Variants in TBL1X observed in about 807,000 individuals in gnomAD.
The protein encoded by TBL1X is F-box-like/WD repeat-containing protein TBL1X.
In TBL1X, 10 loss-of-function variants were observed where a neutral mutation model predicts 50.7. The observed-to-expected ratio is 0.20, with a 90% CI of 0.12 to 0.33. The LOEUF is 0.33. TBL1X is among the 10% of genes least tolerant of loss of function. The pLI is 1.00. For synonymous variants in TBL1X, 190 were observed against 214.7 expected, an observed-to-expected ratio of 0.88 and a Z score of 1.01; for missense variants, 340 against 504.4, an observed-to-expected ratio of 0.67 and a Z score of 3.12.
At chrX:9,662,624 G>A (rs760054134) in intron 5 of TBL1X, among the ~76,000 whole-genome samples, 3 of 111,888 alleles carry the variant, frequency 2.7e-5, no homozygotes, top group Non-Finnish European at 5.6e-5. Flanking sequence ...AATGAATAAC[G>A]TTCTGGGGAT....
intron 2 of TBL1X, chrX:9,637,417 G>A (rs1170412960): frequency 2.7e-5 from 3 of 112,220 alleles, no homozygotes; most frequent in African/African-American, 6.5e-5. Context: ...CTGTATTAAC[G>A]TGTGTGATCA....
At chrX:9,655,697 C>T (rs1186517580) in intron 5 of TBL1X, among the ~76,000 whole-genome samples, 2 of 111,764 alleles carry the variant, frequency 1.8e-5, no homozygotes, top group Non-Finnish European at 3.8e-5. Context: ...ACCCCAGTTC[C>T]TAGGCCCCGT....
chrX:9,530,528 T>C (rs1047597217), intron 2 of TBL1X, among the ~76,000 whole-genome samples: 1 of 112,275 alleles, frequency 8.9e-6, no homozygotes, highest in Non-Finnish European at 1.9e-5. Flanking sequence ...CATCACACAT[T>C]TTTATGTTCT....
intron 2 of TBL1X, among the ~76,000 whole-genome samples, chrX:9,537,407 A>G (rs1180687888): frequency 9.0e-6 from 1 of 110,994 alleles, no homozygotes; most frequent in Admixed American, 9.6e-5. Flanking sequence ...ACATTGTGCA[A>G]TCCTCACCAC....
intron 5 of TBL1X, among the ~76,000 whole-genome samples, chrX:9,678,803 G>A (rs903975657): frequency 6.3e-5 from 7 of 111,943 alleles, no homozygotes; most frequent in African/African-American, 2.3e-4. Flanking sequence ...TGAGGGGTGT[G>A]GTTTAGCAGT....
intron 2 of TBL1X, among the ~76,000 whole-genome samples, chrX:9,539,966 C>G (rs776658960): frequency 2.7e-5 from 3 of 112,666 alleles, no homozygotes; most frequent in Non-Finnish European, 5.6e-5. Flanking sequence ...AAAAGACATT[C>G]ATAGTTGCAG....
At position 9,525,592 on chromosome X, in the gene TBL1X, C is replaced by A. The variant is rs2082128111; in HGVS notation, c.-131+23743C>A. Among the ~76,000 whole-genome samples, 3 of 111,720 alleles carry A rather than the reference C, an allele frequency of 2.7e-5. No individual in the cohort carries two copies. The South Asian group carries it at 1.1e-3, about 41-fold the overall frequency. Reference sequence around the variant, plus strand: ...GATTTGCTTTTTAAAAAGAAATTATCCAGATTTGAATGGAAAAATTGCATA... The same window carrying A: ...GATTTGCTTTTTAAAAAGAAATTATACAGATTTGAATGGAAAAATTGCATA... On this transcript the variant is annotated intron_variant, in intron 2 of 17. Transcript: ENST00000645353.
chrX:9,581,023 C>T (rs934963379), intron 2 of TBL1X, among the ~76,000 whole-genome samples: 1 of 111,676 alleles, frequency 9.0e-6, no homozygotes, highest in Non-Finnish European at 1.9e-5. Flanking sequence ...GGCCTTGGCC[C>T]AGAGGAGGAA....
intron 2 of TBL1X, among the ~76,000 whole-genome samples, chrX:9,526,792 A>G (rs1049624797): frequency 2.7e-5 from 3 of 112,290 alleles, no homozygotes; most frequent in Non-Finnish European, 5.6e-5. Context: ...ATGTGTCAGC[A>G]GCTTCCCCTG....
At chrX:9,706,357 A>G (rs1194544726) in intron 13 of TBL1X, among the ~76,000 whole-genome samples, 6 of 111,715 alleles carry the variant, frequency 5.4e-5, no homozygotes, top group African/African-American at 1.6e-4. Flanking sequence ...AGAAGAAAGA[A>G]TGGAACAGAA....
chrX:9,505,751 C>A (rs1356853774), intron 2 of TBL1X, among the ~76,000 whole-genome samples: 3 of 112,251 alleles, frequency 2.7e-5, no homozygotes, highest in African/African-American at 6.5e-5. Flanking sequence ...GAAGAACTAA[C>A]TATTCTAAAT....
chrX:9,538,362 G>A (rs191267987), intron 2 of TBL1X, among the ~76,000 whole-genome samples: 43 of 111,647 alleles, frequency 3.9e-4, no homozygotes, highest in African/African-American at 1.3e-3. Context: ...GTTTGCCCAG[G>A]TATCCTTTCT....
rs970849806 is a variant in TBL1X at position 9,544,011 on chromosome X, C to T, written c.-131+42162C>T. 4.5e-5 allele frequency among the ~76,000 whole-genome samples: 5 copies of T among 111,629 alleles called. No homozygotes were observed. In the South Asian group the frequency reaches 1.1e-3, roughly 26 times the overall value. On this transcript the variant is annotated intron_variant, in intron 2 of 17. Coordinates refer to ENST00000645353, the MANE Select transcript of TBL1X (RefSeq NM_005647.4). ...CAATCACAAATCTCCCTGCCCTCCC[C>T]ACCCCTGCCCCCACTTAGATCCTGG... is the stretch of plus-strand genomic sequence containing the variant.
intron 3 of TBL1X, among the ~76,000 whole-genome samples, chrX:9,649,272 A>C (rs140942271): frequency 0.012 from 1,312 of 112,519 alleles, 27 homozygotes; most frequent in African/African-American, 0.04. Context: ...CTAGCAAAGT[A>C]AGTGTTTGTT....
intron 2 of TBL1X, among the ~76,000 whole-genome samples, chrX:9,600,047 G>C (rs1351828805): frequency 9.0e-6 from 1 of 111,717 alleles, no homozygotes; most frequent in Non-Finnish European, 1.9e-5. Flanking sequence ...TGACACAGCT[G>C]TATCTCTTTC....
chrX:9,602,155 GCTGT>G lies in TBL1X; in HGVS notation c.-130-38115_-130-38112del, dbSNP rs1430285751. 2.7e-5 allele frequency among the ~76,000 whole-genome samples: 3 copies of G among 112,025 alleles called. No individual in the cohort carries two copies. In the Admixed American group the frequency reaches 2.8e-4, roughly 11 times the overall value. ...CTTTTTCTTCTTATTTCATGCAAATGCTGTCTTTTTGAGAGAAGTGGTTATAAGC... is the reference window on the plus strand; with the variant it reads ...CTTTTTCTTCTTATTTCATGCAAATGCTTTTTGAGAGAAGTGGTTATAAGC... On this transcript the variant is annotated intron_variant, in intron 2 of 17. Transcript: ENST00000645353.
chrX:9,642,175 T>C (rs1173017602), intron 3 of TBL1X, among the ~76,000 whole-genome samples: 1 of 111,916 alleles, frequency 8.9e-6, no homozygotes, highest in Non-Finnish European at 1.9e-5. Flanking sequence ...TTCAATTTCA[T>C]TGAATCCAGC....
intron 2 of TBL1X, among the ~76,000 whole-genome samples, chrX:9,632,383 C>T (rs185528585): frequency 4.5e-5 from 5 of 111,634 alleles, no homozygotes; most frequent in Non-Finnish European, 9.4e-5. Context: ...CGAGTTCAAG[C>T]GATTCTCGTG....
intron 2 of TBL1X, among the ~76,000 whole-genome samples, chrX:9,551,353 A>G (rs900856029): frequency 9.1e-6 from 1 of 110,292 alleles, no homozygotes; most frequent in Admixed American, 9.7e-5. Context: ...GTACAGTTCT[A>G]GGTGAGGCGG....
Sources: allele counts gnomAD v4.1 joint callset (sites outside exome capture counted in the v4.1 genomes callset), GRCh38; gene constraint gnomAD v4.1.1; transcripts MANE v1.5; gene names NCBI Gene and HGNC (gene_info 2026-07-23, HGNC 2026-07-21).